Variants in XKR4 observed in about 807,000 individuals in gnomAD.
XKR4 encodes XK-related protein 4.
XKR4 carries 12 observed loss-of-function variants against 53.9 expected under a neutral mutation model. That is an observed-to-expected ratio of 0.22 (90% CI 0.14 to 0.36). XKR4 has a LOEUF of 0.36. Among genes scored for constraint, XKR4 ranks in the 10% least tolerant of loss-of-function variants. The pLI, the probability that XKR4 is intolerant of heterozygous loss-of-function variation, is 1.00. For missense variants in XKR4, 799 were observed against 859.5 expected, an observed-to-expected ratio of 0.93 and a Z score of 0.88; for synonymous variants, 354 against 362.4, an observed-to-expected ratio of 0.98 and a Z score of 0.26.
In XKR4 at chr8:55,137,363, T is replaced by C. The variant is rs966081650; in HGVS notation, c.806+34069T>C. ...ACCTCAATTGTCCATTATTTACCAG[T>C]CAATTATTATATATTGAGCACCTGC... On this transcript the variant is annotated intron_variant, in intron 1 of 2. Coordinates refer to ENST00000327381, the MANE Select transcript of XKR4 (RefSeq NM_052898.2). 3.9e-5 allele frequency among the ~76,000 whole-genome samples: 6 copies of C among 152,306 alleles called. No individual in the cohort carries two copies. The South Asian group carries it at 1.2e-3, about 32-fold the overall frequency.
intron 2 of XKR4, among the ~76,000 whole-genome samples, chr8:55,427,043 T>C (rs1245636940): frequency 6.6e-6 from 1 of 152,214 alleles, no homozygotes; most frequent in Non-Finnish European, 1.5e-5. Context: ...CAGTGCCACA[T>C]ATAAAATATG....
intron 1 of XKR4, among the ~76,000 whole-genome samples, chr8:55,236,377 C>T (rs774438104): frequency 5.3e-4 from 80 of 152,194 alleles, no homozygotes; most frequent in Non-Finnish European, 1.1e-3. Context: ...CATGAAGGAG[C>T]ATTTCATGCC....
intron 1 of XKR4, among the ~76,000 whole-genome samples, chr8:55,301,268 A>T (rs1223400258): frequency 1.3e-5 from 2 of 151,318 alleles, no homozygotes; most frequent in Admixed American, 1.3e-4. Context: ...TCCTTGGGAT[A>T]GTTTGCTGAG....
chr8:55,256,271 C>T (rs1376593654), intron 1 of XKR4, among the ~76,000 whole-genome samples: 2 of 152,146 alleles, frequency 1.3e-5, no homozygotes, highest in Non-Finnish European at 2.9e-5. Flanking sequence ...AGAACTTGAA[C>T]TTTATTCTGA....
chr8:55,285,255 G>T (rs1818893362), intron 1 of XKR4, among the ~76,000 whole-genome samples: 1 of 152,138 alleles, frequency 6.6e-6, no homozygotes, highest in Non-Finnish European at 1.5e-5. Context: ...TATGTAAAGT[G>T]GGGTATGATT....
intron 2 of XKR4, among the ~76,000 whole-genome samples, chr8:55,483,934 C>T (rs1806154367): frequency 6.6e-6 from 1 of 152,048 alleles, no homozygotes; most frequent in African/African-American, 2.4e-5. Flanking sequence ...ATAAAATTGA[C>T]AAACCTCTCA....
intron 1 of XKR4, among the ~76,000 whole-genome samples, chr8:55,266,172 A>G (rs1818598001): frequency 6.6e-6 from 1 of 151,692 alleles, no homozygotes; most frequent in African/African-American, 2.4e-5. Flanking sequence ...AAAGAAATGG[A>G]AACTTTCAAG....
chr8:55,220,191 T>A (rs1478573260), intron 1 of XKR4, among the ~76,000 whole-genome samples: 3 of 152,112 alleles, frequency 2.0e-5, no homozygotes, highest in Non-Finnish European at 4.4e-5. Context: ...ATATACATAA[T>A]TATTATTTAT....
At chr8:55,211,068 T>C (rs1180578166) in intron 1 of XKR4, among the ~76,000 whole-genome samples, 2 of 152,224 alleles carry the variant, frequency 1.3e-5, no homozygotes, top group Non-Finnish European at 2.9e-5. Flanking sequence ...CCCTTATCTG[T>C]GCCTGCAACT....
intron 2 of XKR4, chr8:55,450,299 C>G: frequency 1.4e-6 from 1 of 705,888 alleles, no homozygotes. Flanking sequence ...TAGGGAGGGC[C>G]CTCGGCCAGC....
At chr8:55,350,121 A>C (rs139388318) in intron 1 of XKR4, among the ~76,000 whole-genome samples, 28 of 152,318 alleles carry the variant, frequency 1.8e-4, no homozygotes, top group African/African-American at 6.3e-4. Context: ...GATGTGTTAT[A>C]ATTTGTTTAA....
At chr8:55,317,336 TA>T (rs768122803) in intron 1 of XKR4, among the ~76,000 whole-genome samples, 38 of 152,192 alleles carry the variant, frequency 2.5e-4, no homozygotes, top group Middle Eastern at 3.4e-3. Flanking sequence ...GGTAAACAAA[TA>T]AAAAGCCCCT....
Position 55,159,855 on chromosome 8 carries a change from T to C in XKR4, c.806+56561T>C, listed in dbSNP as rs114021089. On this transcript the variant is annotated intron_variant, in intron 1 of 2. Transcript: ENST00000327381. ...TGCGAGGCTAGTTCATCTGTGGTCC[T>C]GGCTGCATAGCATCGCATATAGACT... Among the ~76,000 whole-genome samples, 990 of 152,334 alleles carry C rather than the reference T, an allele frequency of 6.5e-3. 15 individuals carry two copies. Among genetic ancestry groups the C allele is most frequent in the African/African-American group, 0.021 (893 of 41,562 alleles).
intron 1 of XKR4, among the ~76,000 whole-genome samples, chr8:55,270,746 G>A (rs566387842): frequency 1.2e-4 from 18 of 152,282 alleles, no homozygotes; most frequent in Non-Finnish European, 2.4e-4. Flanking sequence ...ATCCTCACAG[G>A]TAGCAGAGGT....
intron 1 of XKR4, among the ~76,000 whole-genome samples, chr8:55,190,111 T>G (rs188923305): frequency 6.6e-6 from 1 of 152,214 alleles, no homozygotes; most frequent in Admixed American, 6.5e-5. Flanking sequence ...TTGAGATGAC[T>G]TTTTACTGGA....
At chr8:55,445,150 C>T (rs867606149) in intron 2 of XKR4, among the ~76,000 whole-genome samples, 6 of 152,110 alleles carry the variant, frequency 3.9e-5, no homozygotes, top group South Asian at 4.1e-4. Flanking sequence ...CTCCGCCTCC[C>T]GGGTTCATGC....
intron 1 of XKR4, among the ~76,000 whole-genome samples, chr8:55,277,341 A>T (rs1818778065): frequency 1.3e-5 from 2 of 152,258 alleles, no homozygotes; most frequent in African/African-American, 4.8e-5. Context: ...GATAACAGGC[A>T]GAGCTATTTT....
intron 1 of XKR4, among the ~76,000 whole-genome samples, chr8:55,283,411 A>T (rs1341045852): frequency 1.3e-5 from 2 of 152,172 alleles, no homozygotes; most frequent in African/African-American, 4.8e-5. Flanking sequence ...GAAACTCAGG[A>T]TCTTGTCTGT....
chr8:55,223,212 C>T lies in XKR4; in HGVS notation c.806+119918C>T, dbSNP rs117858207. Among the ~76,000 whole-genome samples, 1,326 of 152,278 alleles carry T rather than the reference C, an allele frequency of 8.7e-3. 14 individuals carry two copies. Among genetic ancestry groups the T allele is most frequent in the Middle Eastern group, 0.031 (9 of 294 alleles). On this transcript the variant is annotated intron_variant, in intron 1 of 2. Transcript: ENST00000327381. ...TTCTTGCAACAGTTAAATTATAGCC[C>T]GGGTCTGATGTTCGCATAACTGACA...
Sources: allele counts gnomAD v4.1 joint callset (sites outside exome capture counted in the v4.1 genomes callset), GRCh38; gene constraint gnomAD v4.1.1; transcripts MANE v1.5; gene names NCBI Gene and HGNC (gene_info 2026-07-23, HGNC 2026-07-21).